The following PRKN variants were observed in gnomAD, a reference collection of about 807,000 sequenced individuals.
PRKN encodes E3 ubiquitin-protein ligase parkin.
PRKN carries 56 observed loss-of-function variants against 59.5 expected under a neutral mutation model. The observed-to-expected ratio is 0.94, with a 90% CI of 0.76 to 1.18. The LOEUF (loss-of-function observed/expected upper bound fraction) is 1.18. Among genes scored for constraint, PRKN ranks in the 50% most tolerant of loss-of-function variants. PRKN has a pLI of 0.00. For synonymous variants in PRKN, 250 were observed against 222.1 expected, an observed-to-expected ratio of 1.13 and a Z score of -1.12; for missense variants, 657 against 596.4, an observed-to-expected ratio of 1.10 and a Z score of -1.06.
At chr6:162,353,846 C>A (rs1429202047) in intron 2 of PRKN, among the ~76,000 whole-genome samples, 4 of 152,084 alleles carry the variant, frequency 2.6e-5, no homozygotes, top group African/African-American at 9.7e-5. Flanking sequence ...TCTGTAGTGT[C>A]AGTATTTGCT....
rs1785820309 is a variant in PRKN, at chr6:161,378,435, C to T, written c.1167+8359G>A. Among the ~76,000 whole-genome samples the T allele has an allele frequency of 6.6e-6, 1 of 152,174 alleles. No individual in the cohort carries two copies. The highest frequency in any genetic ancestry group is 6.5e-5 in the Admixed American group (1 of 15,282). ...AGCGGCACGGAGTCCTGTGTGTCCT[C>T]CACTCCTCGAGGAGACCAACTAACT... On this transcript the variant is annotated intron_variant, in intron 10 of 11. Transcript: ENST00000366898. This position sits in a 1 kb window ranked among gnomAD's most constrained non-coding sequence, Gnocchi z 7.3.
Position 161,545,207 on chromosome 6 carries a change from T to C in PRKN, c.1083+3647A>G. The C allele has an allele frequency of 2.9e-6, 4 of 1,361,432 alleles. No homozygotes were observed. The highest frequency in any genetic ancestry group is 3.8e-6 in the Non-Finnish European group (4 of 1,058,664). The allele number at this position is 1,361,432 out of a possible 1,614,324, so 84.3% of individuals were successfully genotyped here. ...AAGAGTTGTACTTTTTCTATCTTGA[T>C]AATTGAGGGAAAAAAAAATTAAGCA... On this transcript the variant is annotated intron_variant, in intron 9 of 11. Transcript: ENST00000366898. This position sits in a 1 kb window ranked among gnomAD's most constrained non-coding sequence, Gnocchi z 4.1.
intron 1 of PRKN, among the ~76,000 whole-genome samples, chr6:162,498,718 T>G (rs1793215675): frequency 6.6e-6 from 1 of 151,952 alleles, no homozygotes; most frequent in Non-Finnish European, 1.5e-5. Context: ...GAAATAAGTG[T>G]CAAAAAACCT....
intron 1 of PRKN, among the ~76,000 whole-genome samples, chr6:162,635,347 T>C (rs953765697): frequency 2.6e-5 from 4 of 152,202 alleles, no homozygotes; most frequent in African/African-American, 7.2e-5. Flanking sequence ...ACCAGAAAAT[T>C]AGAAGTCTTT....
At chr6:162,280,910 G>A (rs1006504199) in intron 2 of PRKN, among the ~76,000 whole-genome samples, 28 of 151,582 alleles carry the variant, frequency 1.8e-4, no homozygotes, top group Admixed American at 6.6e-5. Flanking sequence ...ATGAATGCAG[G>A]AGCTGTTCAC....
intron 7 of PRKN, among the ~76,000 whole-genome samples, chr6:161,631,894 C>T (rs757960609): frequency 6.6e-6 from 1 of 152,090 alleles, no homozygotes; most frequent in Non-Finnish European, 1.5e-5. Flanking sequence ...TGCATTCTTA[C>T]CCAATTTATC....
At chr6:162,691,129 A>G (rs1425796724) in intron 1 of PRKN, among the ~76,000 whole-genome samples, 1 of 151,998 alleles carries the variant, frequency 6.6e-6, no homozygotes, top group Admixed American at 6.5e-5. Context: ...TAAGCATCCG[A>G]TGATGATAAG....
chr6:162,246,543 T>C (rs1779205145), intron 3 of PRKN, among the ~76,000 whole-genome samples: 2 of 152,172 alleles, frequency 1.3e-5, no homozygotes, highest in South Asian at 4.1e-4. Context: ...AAAAATCTCC[T>C]CTTATAGAAA....
At chr6:162,036,279 A>C (rs563716622) in intron 5 of PRKN, among the ~76,000 whole-genome samples, 47 of 151,808 alleles carry the variant, frequency 3.1e-4, no homozygotes, top group Middle Eastern at 6.8e-3. Flanking sequence ...AGCCGAGATC[A>C]CGCCACTGCA....
rs79734306 is a variant in PRKN, at chr6:161,468,723, T to C, written c.1083+80131A>G. Among the ~76,000 whole-genome samples, 200 of 152,238 alleles carry C rather than the reference T, an allele frequency of 1.3e-3. No homozygotes were observed. The highest frequency in any genetic ancestry group is 4.6e-3 in the African/African-American group (190 of 41,532). On this transcript the variant is annotated intron_variant, in intron 9 of 11. Transcript: ENST00000366898. The surrounding 1 kb of genome is among the most constrained non-coding windows in gnomAD (Gnocchi z 5.9). ...ACCACTAATGCAGCTGCCGGGAGGATCCAGCCTCAGAGGACTTGGGTATGT... is the reference window on the plus strand; with the variant it reads ...ACCACTAATGCAGCTGCCGGGAGGACCCAGCCTCAGAGGACTTGGGTATGT...
chr6:161,380,426 CTTTTTT>C (rs977152868), intron 10 of PRKN, among the ~76,000 whole-genome samples: 1 of 117,960 alleles, frequency 8.5e-6, no homozygotes, highest in African/African-American at 3.1e-5. Flanking sequence ...CCAAGTCTAT[CTTTTTT>C]TTTTTTTTTT....
At chr6:161,532,470 T>G (rs73593410) in intron 9 of PRKN, among the ~76,000 whole-genome samples, 2,690 of 148,436 alleles carry the variant, frequency 0.018, 71 homozygotes, top group African/African-American at 0.063. Context: ...CCCAGCTCCC[T>G]ACTCAGGAGT....
intron 7 of PRKN, among the ~76,000 whole-genome samples, chr6:161,773,758 A>G (rs1247779087): frequency 6.6e-6 from 1 of 152,220 alleles, no homozygotes; most frequent in Non-Finnish European, 1.5e-5. Context: ...TGCTATTCAG[A>G]ACATTCCCAC....
At chr6:161,500,876 C>CT (rs34247928) in intron 9 of PRKN, among the ~76,000 whole-genome samples, 6,491 of 115,272 alleles carry the variant, frequency 0.056, 271 homozygotes, top group African/African-American at 0.084. Flanking sequence ...TTTTTTTTTT[C>CT]TTTTTTTTTT....
intron 2 of PRKN, among the ~76,000 whole-genome samples, chr6:162,440,272 A>T (rs1238041043): frequency 2.0e-5 from 3 of 152,116 alleles, no homozygotes; most frequent in South Asian, 4.1e-4. Context: ...TTCTATGAAA[A>T]TTTTTTAGAT....
In PRKN at chr6:161,785,758, C is replaced by T. The variant is rs768859820; in HGVS notation, c.871+14G>A. ...ATTAGCATTAGAGATGGAGAGAAAACATGCTAGACTTACCCACACAAGGCA... is the reference window on the plus strand; with the variant it reads ...ATTAGCATTAGAGATGGAGAGAAAATATGCTAGACTTACCCACACAAGGCA... On this transcript the variant is annotated intron_variant, in intron 7 of 11. Coordinates refer to ENST00000366898, the MANE Select transcript of PRKN (RefSeq NM_004562.3). 1 of 1,613,296 alleles carries T rather than the reference C, an allele frequency of 6.2e-7. No individual in the cohort carries two copies. Among genetic ancestry groups the T allele is most frequent in the Admixed American group, 1.7e-5 (1 of 59,920 alleles).
intron 6 of PRKN, among the ~76,000 whole-genome samples, chr6:161,907,865 G>C (rs2128236400): frequency 6.6e-6 from 1 of 152,252 alleles, no homozygotes; most frequent in East Asian, 1.9e-4. Context: ...ATCACCTGAA[G>C]TCAGGAGTTC....
intron 9 of PRKN, among the ~76,000 whole-genome samples, chr6:161,528,695 T>C (rs781517339): frequency 1.3e-5 from 2 of 152,236 alleles, no homozygotes; most frequent in African/African-American, 2.4e-5. Flanking sequence ...TTGAGACTTC[T>C]GCAGTAAAGG....
intron 7 of PRKN, among the ~76,000 whole-genome samples, chr6:161,637,637 T>A (rs976357785): frequency 6.6e-6 from 1 of 152,022 alleles, no homozygotes. Flanking sequence ...AAAGAATTGC[T>A]TAAAAGCACC....
Sources: gnomAD v4.1 joint callset for allele counts (sites outside exome capture counted in the v4.1 genomes callset) on GRCh38, gnomAD v4.1.1 for gene constraint, Gnocchi (gnomAD v3.1) non-coding constraint, MANE v1.5 for transcripts, NCBI Gene and HGNC (gene_info 2026-07-23, HGNC 2026-07-21) for gene names.